ITPR2: variants seen among roughly 807,000 people sequenced by gnomAD.
The protein encoded by ITPR2 is inositol 1,4,5-trisphosphate-gated calcium channel ITPR2.
In ITPR2, 207 loss-of-function variants were observed where a neutral mutation model predicts 317.1. That is an observed-to-expected ratio of 0.65 (90% CI 0.58 to 0.73). ITPR2 has a LOEUF of 0.73. ITPR2 is among the 30% of genes least tolerant of loss of function. ITPR2 has a pLI of 0.00. For synonymous variants in ITPR2, 1,156 were observed against 1,149.1 expected (o/e 1.01, Z -0.12); for missense variants, 2,613 against 3,284.0 (o/e 0.80, Z 4.99).
chr12:26,514,525 C>T (rs1378546146), intron 37 of ITPR2, among the ~76,000 whole-genome samples: 4 of 152,184 alleles, frequency 2.6e-5, no homozygotes, highest in East Asian at 3.8e-4. Flanking sequence ...TGCCTTGGCA[C>T]GTGCTATTTC....
intron 2 of ITPR2, among the ~76,000 whole-genome samples, chr12:26,783,965 G>A (rs1340542812): frequency 2.6e-5 from 4 of 151,986 alleles, no homozygotes; most frequent in Non-Finnish European, 5.9e-5. Context: ...GATCATGGAT[G>A]GGTTCAGGAA....
chr12:26,477,439 T>G (rs1339882008), intron 43 of ITPR2, among the ~76,000 whole-genome samples: 1 of 152,104 alleles, frequency 6.6e-6, no homozygotes, highest in Non-Finnish European at 1.5e-5. Context: ...AAATGAAATA[T>G]TAATATATAT....
chr12:26,558,128 A>G (rs1387902082), intron 35 of ITPR2, among the ~76,000 whole-genome samples: 2 of 152,240 alleles, frequency 1.3e-5, no homozygotes, highest in Admixed American at 6.5e-5. Context: ...ACTAATGGGA[A>G]CTAGCATAAA....
At chr12:26,676,625 A>C (rs1401869776) in intron 13 of ITPR2, among the ~76,000 whole-genome samples, 1 of 152,038 alleles carries the variant, frequency 6.6e-6, no homozygotes, top group Non-Finnish European at 1.5e-5. Context: ...GTGAGATACA[A>C]GTAATAAAGG....
chr12:26,734,768 A>T (rs1949088141), intron 2 of ITPR2, among the ~76,000 whole-genome samples: 1 of 152,198 alleles, frequency 6.6e-6, no homozygotes, highest in Non-Finnish European at 1.5e-5. Flanking sequence ...GACCTAAAAC[A>T]AAATCAGTTT....
At chr12:26,409,070 T>A (rs559034251) in intron 52 of ITPR2, among the ~76,000 whole-genome samples, 3 of 152,240 alleles carry the variant, frequency 2.0e-5, no homozygotes, top group African/African-American at 7.2e-5. Context: ...AGTGATTTTT[T>A]AAAAAGTCAT....
At chr12:26,497,786 C>T (rs113509880) in intron 37 of ITPR2, among the ~76,000 whole-genome samples, 1 of 150,844 alleles carries the variant, frequency 6.6e-6, no homozygotes, top group South Asian at 2.1e-4. Flanking sequence ...TCTCAGCTCA[C>T]TGCAACCTCC....
chr12:26,542,508 C>T (rs1944289773), intron 37 of ITPR2, among the ~76,000 whole-genome samples: 1 of 152,100 alleles, frequency 6.6e-6, no homozygotes, highest in African/African-American at 2.4e-5. Flanking sequence ...AAAACTATGA[C>T]ATAGGGTTGA....
At chr12:26,711,311 G>A in intron 8 of ITPR2, 43 bp from the exon 9 acceptor site, 2 of 1,375,324 alleles carry the variant, frequency 1.5e-6, no homozygotes, top group Non-Finnish European at 2.1e-6. Flanking sequence ...CAATATTTAT[G>A]TTCCTGGCAA....
chr12:26,390,511 A>T (rs1939800362), intron 54 of ITPR2, among the ~76,000 whole-genome samples: 1 of 152,220 alleles, frequency 6.6e-6, no homozygotes, highest in East Asian at 1.9e-4. Context: ...AAGCCCACAT[A>T]TTATGATCCC....
At chr12:26,496,177 G>A (rs1290271540) in intron 37 of ITPR2, among the ~76,000 whole-genome samples, 1 of 152,130 alleles carries the variant, frequency 6.6e-6, no homozygotes, top group African/African-American at 2.4e-5. Context: ...AACTACAGAG[G>A]TGTTATTTCC....
At chr12:26,792,898 G>A (rs1950368014) in intron 1 of ITPR2, among the ~76,000 whole-genome samples, 1 of 152,154 alleles carries the variant, frequency 6.6e-6, no homozygotes, top group Non-Finnish European at 1.5e-5. Flanking sequence ...CCAAGTGCCA[G>A]CATCCTCTCA....
chr12:26,768,833 C>G (rs776492176), intron 2 of ITPR2, among the ~76,000 whole-genome samples: 1 of 152,140 alleles, frequency 6.6e-6, no homozygotes, highest in Non-Finnish European at 1.5e-5. Flanking sequence ...AGCCCTATTT[C>G]TAAACAGAGC....
intron 1 of ITPR2, among the ~76,000 whole-genome samples, chr12:26,817,794 T>G (rs1950884748): frequency 6.6e-6 from 1 of 151,996 alleles, no homozygotes; most frequent in Non-Finnish European, 1.5e-5. Context: ...GTGACTGACC[T>G]CATCTGTATG....
chr12:26,817,791 A>T (rs947815397), intron 1 of ITPR2, among the ~76,000 whole-genome samples: 2 of 151,956 alleles, frequency 1.3e-5, no homozygotes, highest in African/African-American at 4.8e-5. Context: ...CTAGTGACTG[A>T]CCTCATCTGT....
intron 21 of ITPR2, among the ~76,000 whole-genome samples, chr12:26,636,282 C>G (rs1946863563): frequency 6.6e-6 from 1 of 152,194 alleles, no homozygotes; most frequent in African/African-American, 2.4e-5. Flanking sequence ...CATGCACCCC[C>G]TTTAAATTTC....
At chr12:26,520,472 C>T in intron 37 of ITPR2, among the ~76,000 whole-genome samples, 1 of 152,330 alleles carries the variant, frequency 6.6e-6, no homozygotes, top group Non-Finnish European at 1.5e-5. Flanking sequence ...AAAGCCACAA[C>T]TAACCCAGTC....
At chr12:26,779,468 C>G (rs1461885845) in intron 2 of ITPR2, among the ~76,000 whole-genome samples, 1 of 152,192 alleles carries the variant, frequency 6.6e-6, no homozygotes, top group Non-Finnish European at 1.5e-5. Flanking sequence ...CTAGCAGGTC[C>G]TGAAGGCACA....
At position 26,409,899 on chromosome 12, in the gene ITPR2, G is replaced by GA. The variant is rs376441017; in HGVS notation, c.7399+1420dup. Among the ~76,000 whole-genome samples, 654 of 151,992 alleles carry GA rather than the reference G, an allele frequency of 4.3e-3. 5 individuals carry two copies. Among genetic ancestry groups the GA allele is most frequent in the African/African-American group, 0.015 (616 of 41,466 alleles). ...GATTATGGGCTGGCAGAAATATGTA[G>GA]AAAAAAAATGCATGGGCTTCTATTT... On this transcript the variant is annotated intron_variant, in intron 52 of 56. Transcript: ENST00000381340.
Sources: gnomAD v4.1 joint callset for allele counts (sites outside exome capture counted in the v4.1 genomes callset) on GRCh38, gnomAD v4.1.1 for gene constraint, MANE v1.5 for transcripts, NCBI Gene and HGNC (gene_info 2026-07-23, HGNC 2026-07-21) for gene names.